The following HTR1F variants were observed in gnomAD, a reference collection of about 807,000 sequenced individuals.
The protein encoded by HTR1F is 5-hydroxytryptamine (serotonin) receptor 1F, G protein-coupled.
HTR1F carries 17 observed loss-of-function variants against 24.0 expected under a neutral mutation model. That is an observed-to-expected ratio of 0.71 (90% CI 0.48 to 1.06). HTR1F has a LOEUF of 1.06. HTR1F is among the 50% of genes least tolerant of loss of function. HTR1F has a pLI of 0.00. For missense variants in HTR1F, 391 were observed against 427.8 expected (o/e 0.91, Z 0.76); for synonymous variants, 186 against 156.8 (o/e 1.19, Z -1.39).
intron 2 of HTR1F, among the ~76,000 whole-genome samples, chr3:87,946,009 G>A (rs1391678575): frequency 3.3e-5 from 5 of 152,186 alleles, no homozygotes; most frequent in Non-Finnish European, 7.4e-5. Flanking sequence ...CTTGGGCCAC[G>A]CAGTGAGTGT....
At chr3:87,920,635 A>G (rs1703994377) in intron 2 of HTR1F, among the ~76,000 whole-genome samples, 1 of 152,064 alleles carries the variant, frequency 6.6e-6, no homozygotes, top group Non-Finnish European at 1.5e-5. Flanking sequence ...AAGAAAACCA[A>G]ATATCATATG....
At chr3:87,943,842 T>C (rs539571568) in intron 2 of HTR1F, among the ~76,000 whole-genome samples, 6 of 152,286 alleles carry the variant, frequency 3.9e-5, no homozygotes, top group African/African-American at 1.4e-4. Flanking sequence ...ATATAAATCA[T>C]TTCTTTCTTA....
intron 2 of HTR1F, among the ~76,000 whole-genome samples, chr3:87,975,961 T>C (rs745573147): frequency 4.9e-4 from 75 of 152,204 alleles, no homozygotes; most frequent in Non-Finnish European, 9.8e-4. Flanking sequence ...ACTATGTTAC[T>C]AGACTTCTGC....
chr3:87,913,356 T>G (rs551126043), intron 2 of HTR1F, among the ~76,000 whole-genome samples: 101 of 152,176 alleles, frequency 6.6e-4, no homozygotes, highest in African/African-American at 2.2e-3. Flanking sequence ...CACTGGTCAT[T>G]ACAGAAATGC....
chr3:87,987,708 A>ATATATATGTATTT (rs1328816551), intron 2 of HTR1F, among the ~76,000 whole-genome samples: 2 of 113,210 alleles, frequency 1.8e-5, no homozygotes, highest in African/African-American at 7.0e-5. Flanking sequence ...TATATGTATT[A>ATATATATGTATTT]TATATATGTA....
At chr3:87,824,932 C>G (rs1256152672) in intron 2 of HTR1F, among the ~76,000 whole-genome samples, 2 of 152,192 alleles carry the variant, frequency 1.3e-5, no homozygotes, top group East Asian at 1.9e-4. Flanking sequence ...CCACCCCTCT[C>G]TAGCTTCTGA....
chr3:87,823,516 ATTTTT>A (rs199538588), intron 2 of HTR1F, among the ~76,000 whole-genome samples: 1 of 139,336 alleles, frequency 7.2e-6, no homozygotes, highest in Non-Finnish European at 1.6e-5. Context: ...CTGGTCCCAT[ATTTTT>A]TTTTTTTTTT....
At position 87,991,833 on chromosome 3, in the gene HTR1F, G is replaced by C. The variant is rs748628766; in HGVS notation, c.1084G>C (p.Val362Leu). Residue 362 changes from valine (V) to leucine (L), a missense_variant, in exon 3 of 3, where the codon GTG becomes CTG. Coordinates refer to ENST00000319595, the MANE Select transcript of HTR1F (RefSeq NM_001322209.2). ...CTTCAAGAAAGCATTCCAAAAGCTT[G>C]TGCGATGTCGATGTTAGTTTTAAAA... ...EDFKKAFQKL[V>L]RCRC The C allele has an allele frequency of 5.1e-6, 8 of 1,573,296 alleles. No individual in the cohort carries two copies. The highest frequency in any genetic ancestry group is 6.9e-6 in the Non-Finnish European group (8 of 1,161,236).
chr3:87,830,034 T>C (rs1054276923), intron 2 of HTR1F, among the ~76,000 whole-genome samples: 59 of 152,240 alleles, frequency 3.9e-4, no homozygotes, highest in African/African-American at 1.4e-3. Context: ...TAGTCTTATT[T>C]ACAAAATAAA....
At chr3:87,872,484 G>A (rs1411635653) in intron 2 of HTR1F, among the ~76,000 whole-genome samples, 1 of 151,984 alleles carries the variant, frequency 6.6e-6, no homozygotes, top group Non-Finnish European at 1.5e-5. Flanking sequence ...ACAGAACTAA[G>A]AGTTGGATTC....
At chr3:87,988,727 C>A (rs1169692147) in intron 2 of HTR1F, among the ~76,000 whole-genome samples, 1 of 151,324 alleles carries the variant, frequency 6.6e-6, no homozygotes, top group East Asian at 1.9e-4. Flanking sequence ...TGCCACCAAG[C>A]CCCAATAATT....
chr3:87,928,048 T>TTTA (rs1704170097), intron 2 of HTR1F, among the ~76,000 whole-genome samples: 1 of 48,070 alleles, frequency 2.1e-5, no homozygotes, highest in Non-Finnish European at 3.8e-5. Context: ...ATATCTTTGC[T>TTTA]TTTTTTTTTT....
intron 2 of HTR1F, among the ~76,000 whole-genome samples, chr3:87,871,874 A>G (rs141240716): frequency 6.6e-6 from 1 of 152,198 alleles, no homozygotes; most frequent in East Asian, 1.9e-4. Context: ...ATCAATAAAG[A>G]AACAGAGAAC....
intron 1 of HTR1F, among the ~76,000 whole-genome samples, chr3:87,795,497 A>G (rs984279957): frequency 1.3e-5 from 2 of 152,086 alleles, no homozygotes; most frequent in East Asian, 1.9e-4. Context: ...TTTTTTTCCA[A>G]TATGAAAGGT....
intron 2 of HTR1F, among the ~76,000 whole-genome samples, chr3:87,979,780 C>T (rs1470459418): frequency 6.6e-6 from 1 of 152,230 alleles, no homozygotes; most frequent in Non-Finnish European, 1.5e-5. Context: ...GATCCAGTTA[C>T]TGCACATAGC....
At chr3:87,983,287 A>C (rs1705592240) in intron 2 of HTR1F, among the ~76,000 whole-genome samples, 1 of 152,164 alleles carries the variant, frequency 6.6e-6, no homozygotes, top group African/African-American at 2.4e-5. Flanking sequence ...GGAAAAGAAA[A>C]TGTATACATA....
chr3:87,923,675 A>G (rs1216465385), intron 2 of HTR1F, among the ~76,000 whole-genome samples: 5 of 152,022 alleles, frequency 3.3e-5, no homozygotes, highest in Non-Finnish European at 7.4e-5. Flanking sequence ...GTTTCTTTCA[A>G]TACCTACTTT....
intron 2 of HTR1F, among the ~76,000 whole-genome samples, chr3:87,935,376 T>C (rs1212492315): frequency 6.6e-6 from 1 of 152,178 alleles, no homozygotes; most frequent in Admixed American, 6.5e-5. Context: ...TCAATTTCAC[T>C]CTTCTTTCCT....
At chr3:87,821,895 G>C (rs1166612291) in intron 1 of HTR1F, among the ~76,000 whole-genome samples, 113 bp from the exon 2 acceptor site, 1 of 152,132 alleles carries the variant, frequency 6.6e-6, no homozygotes, top group East Asian at 1.9e-4. Flanking sequence ...TGGTCAGAGA[G>C]GGGGAAAGAA....
Sources: allele counts gnomAD v4.1 joint callset (sites outside exome capture counted in the v4.1 genomes callset), GRCh38; gene constraint gnomAD v4.1.1; transcripts MANE v1.5; gene names NCBI Gene and HGNC (gene_info 2026-07-23, HGNC 2026-07-21).